The following EPHA6 variants were observed in gnomAD, a reference collection of about 807,000 sequenced individuals.
EPHA6 encodes EPH receptor A6.
EPHA6 carries 50 observed loss-of-function variants against 112.0 expected under a neutral mutation model. The ratio of observed to expected loss-of-function variants is 0.45; its 90% CI spans 0.36 to 0.56. The LOEUF is 0.56. EPHA6 is among the 20% of genes least tolerant of loss of function. EPHA6 has a pLI of 0.00. For synonymous variants in EPHA6, 529 were observed against 490.7 expected, an observed-to-expected ratio of 1.08 and a Z score of -1.03; for missense variants, 1,280 against 1,417.4, an observed-to-expected ratio of 0.90 and a Z score of 1.56.
At chr3:97,252,049 T>C (rs1462663238) in intron 5 of EPHA6, among the ~76,000 whole-genome samples, 2 of 152,170 alleles carry the variant, frequency 1.3e-5, no homozygotes, top group Non-Finnish European at 2.9e-5. Flanking sequence ...AGTGAAAGCA[T>C]CAAAATATAC....
intron 3 of EPHA6, among the ~76,000 whole-genome samples, chr3:97,087,094 T>G (rs1281507192): frequency 6.6e-6 from 1 of 152,132 alleles, no homozygotes; most frequent in Non-Finnish European, 1.5e-5. Context: ...TTAAACTGCT[T>G]TTGTTCAAGA....
intron 5 of EPHA6, among the ~76,000 whole-genome samples, chr3:97,252,174 G>A (rs2079160688): frequency 6.6e-6 from 1 of 152,070 alleles, no homozygotes; most frequent in South Asian, 2.1e-4. Context: ...GTAAAAGAGA[G>A]GGTCCCTTAA....
chr3:97,297,543 A>G (rs565763461), intron 5 of EPHA6, among the ~76,000 whole-genome samples: 1 of 152,302 alleles, frequency 6.6e-6, no homozygotes, highest in African/African-American at 2.4e-5. Context: ...ATGCTTTACA[A>G]CAATCCGTGT....
intron 14 of EPHA6, chr3:97,648,482 T>C (rs904528934): frequency 1.5e-5 from 19 of 1,294,436 alleles, no homozygotes; most frequent in Non-Finnish European, 1.7e-5. Context: ...CTAATTTAGG[T>C]GTTTGTGAAT....
At chr3:97,664,439 C>T (rs1443023404) in intron 14 of EPHA6, among the ~76,000 whole-genome samples, 1 of 152,164 alleles carries the variant, frequency 6.6e-6, no homozygotes, top group African/African-American at 2.4e-5. Flanking sequence ...CTCACCACTC[C>T]TATTCAACAT....
intron 2 of EPHA6, among the ~76,000 whole-genome samples, chr3:96,940,708 A>T (rs2040889583): frequency 6.6e-6 from 1 of 152,096 alleles, no homozygotes; most frequent in Non-Finnish European, 1.5e-5. Flanking sequence ...GGTCTTTACA[A>T]TTTGGCATGT....
chr3:96,972,424 A>C (rs199729317), intron 2 of EPHA6, among the ~76,000 whole-genome samples: 36 of 144,858 alleles, frequency 2.5e-4, no homozygotes, highest in Admixed American at 1.5e-3. Flanking sequence ...CACACACACA[A>C]ACACACACAC....
At chr3:96,845,203 T>C (rs546552908) in intron 1 of EPHA6, among the ~76,000 whole-genome samples, 1 of 152,178 alleles carries the variant, frequency 6.6e-6, no homozygotes, top group African/African-American at 2.4e-5. Flanking sequence ...TTCTTCTCTT[T>C]AGTTAGTATA....
intron 2 of EPHA6, among the ~76,000 whole-genome samples, chr3:96,957,705 TTTAG>T (rs1418897165): frequency 1.3e-5 from 2 of 152,286 alleles, no homozygotes; most frequent in Admixed American, 1.3e-4. Flanking sequence ...TCTGTTAATT[TTTAG>T]TTAGCTTGAA....
At chr3:96,868,628 C>G (rs1485680746) in intron 2 of EPHA6, among the ~76,000 whole-genome samples, 1 of 151,844 alleles carries the variant, frequency 6.6e-6, no homozygotes, top group Admixed American at 6.6e-5. Context: ...TACATAGACA[C>G]TAATTCAATT....
At chr3:97,736,927 G>A (rs1341791594) in intron 16 of EPHA6, among the ~76,000 whole-genome samples, 1 of 152,002 alleles carries the variant, frequency 6.6e-6, no homozygotes, top group Non-Finnish European at 1.5e-5. Flanking sequence ...TCAGGGGATG[G>A]CTGGGGCTCT....
At position 97,044,290 on chromosome 3, in the gene EPHA6, A is replaced by G. The variant is rs186032605; in HGVS notation, c.1114+56297A>G. 5.0e-4 allele frequency among the ~76,000 whole-genome samples: 76 copies of G among 152,278 alleles called. No individual in the cohort carries two copies. The Middle Eastern group carries it at 0.01, about 20-fold the overall frequency. Reference sequence around the variant, plus strand: ...TCACATTGGATGTAATTATTTCTGCATTAATCAAACACTTCAAGCAAGAAA... The same window carrying G: ...TCACATTGGATGTAATTATTTCTGCGTTAATCAAACACTTCAAGCAAGAAA... On this transcript the variant is annotated intron_variant, in intron 3 of 17. Transcript: ENST00000389672.
At chr3:96,979,964 T>C (rs2042693139) in intron 2 of EPHA6, among the ~76,000 whole-genome samples, 1 of 152,214 alleles carries the variant, frequency 6.6e-6, no homozygotes, top group Admixed American at 6.5e-5. Flanking sequence ...CTTTGTCAGA[T>C]GAGTAGATTG....
At chr3:96,958,339 A>G (rs1343254935) in intron 2 of EPHA6, among the ~76,000 whole-genome samples, 1 of 151,958 alleles carries the variant, frequency 6.6e-6, no homozygotes, top group Admixed American at 6.6e-5. Context: ...GCCATTTGCT[A>G]ATTCTCTGAC....
At chr3:97,604,949 C>T (rs1383039304) in intron 12 of EPHA6, among the ~76,000 whole-genome samples, 1 of 151,486 alleles carries the variant, frequency 6.6e-6, no homozygotes, top group Non-Finnish European at 1.5e-5. Context: ...CTACTCTGTG[C>T]CTAGCTCTGT....
chr3:97,743,400 CTG>C (rs1044199822), intron 16 of EPHA6, among the ~76,000 whole-genome samples: 1 of 152,034 alleles, frequency 6.6e-6, no homozygotes, highest in African/African-American at 2.4e-5. Context: ...TTAAAAAAAT[CTG>C]TCTTATGAAT....
At chr3:96,889,822 A>C (rs574525525) in intron 2 of EPHA6, among the ~76,000 whole-genome samples, 2 of 152,348 alleles carry the variant, frequency 1.3e-5, no homozygotes, top group South Asian at 4.1e-4. Flanking sequence ...ATATTGGTGC[A>C]GGGATAGACA....
chr3:96,832,801 TA>T lies in EPHA6; in HGVS notation c.385+17795del, dbSNP rs1173215692. ...ATTTTAAGACTGCCAATGTTTCATC[TA>T]AGAAAAATTTAAGGAGAAAATTACT... is the stretch of plus-strand genomic sequence containing the variant. On this transcript the variant is annotated intron_variant, in intron 1 of 17. Coordinates refer to ENST00000389672, the MANE Select transcript of EPHA6 (RefSeq NM_001080448.3). Among the ~76,000 whole-genome samples the T allele has an allele frequency of 5.9e-5, 9 of 152,174 alleles. No individual in the cohort carries two copies. The East Asian group carries it at 1.7e-3, about 29-fold the overall frequency.
chr3:96,946,918 A>C (rs1194505817), intron 2 of EPHA6, among the ~76,000 whole-genome samples: 2 of 152,044 alleles, frequency 1.3e-5, no homozygotes, highest in Non-Finnish European at 1.5e-5. Context: ...CATTTCTCTG[A>C]TGGCCAGTGA....
Sources: gnomAD v4.1 joint callset for allele counts (sites outside exome capture counted in the v4.1 genomes callset) on GRCh38, gnomAD v4.1.1 for gene constraint, MANE v1.5 for transcripts, NCBI Gene and HGNC (gene_info 2026-07-23, HGNC 2026-07-21) for gene names.